The following NELL1 variants were observed in gnomAD, a reference collection of about 807,000 sequenced individuals.
NELL1 encodes protein kinase C-binding protein NELL1.
A neutral mutation model predicts 107.4 loss-of-function variants in NELL1; 76 were observed. That is an observed-to-expected ratio of 0.71 (90% confidence interval 0.59 to 0.86). The LOEUF is 0.86. Among genes scored for constraint, NELL1 ranks in the 40% least tolerant of loss-of-function variants. NELL1 has a pLI of 0.00. For missense variants in NELL1, 1,024 were observed against 1,005.5 expected (o/e 1.02, Z -0.25); for synonymous variants, 353 against 341.2 (o/e 1.03, Z -0.38).
chr11:21,091,609 C>T (rs1854523079), intron 12 of NELL1, among the ~76,000 whole-genome samples: 1 of 152,104 alleles, frequency 6.6e-6, no homozygotes, highest in Non-Finnish European at 1.5e-5. Flanking sequence ...TACGTCTTAT[C>T]CATTGCTGTG....
chr11:20,911,904 G>T (rs1463605533), intron 5 of NELL1, among the ~76,000 whole-genome samples: 1 of 152,092 alleles, frequency 6.6e-6, no homozygotes, highest in African/African-American at 2.4e-5. Context: ...ATTACCTCTT[G>T]ATCAATTCAA....
At chr11:20,756,542 T>C (rs370307260) in intron 2 of NELL1, among the ~76,000 whole-genome samples, 7 of 140,636 alleles carry the variant, frequency 5.0e-5, no homozygotes, top group African/African-American at 1.1e-4. Flanking sequence ...TTTTTTTTTT[T>C]AGTAGAGACA....
At chr11:20,685,490 C>G (rs1733524985) in intron 2 of NELL1, among the ~76,000 whole-genome samples, 1 of 152,002 alleles carries the variant, frequency 6.6e-6, no homozygotes, top group South Asian at 2.1e-4. Context: ...AGGCAGACTT[C>G]AAAAATCCTG....
intron 3 of NELL1, among the ~76,000 whole-genome samples, chr11:20,786,799 G>T (rs1464126662): frequency 6.6e-6 from 1 of 151,880 alleles, no homozygotes; most frequent in Admixed American, 6.6e-5. Context: ...ACAAGGTCAG[G>T]AGATCGAGAC....
intron 4 of NELL1, among the ~76,000 whole-genome samples, chr11:20,861,437 G>A (rs558276124): frequency 6.6e-6 from 1 of 152,302 alleles, no homozygotes; most frequent in African/African-American, 2.4e-5. Flanking sequence ...GTGTGGAGCA[G>A]TACTCACCTG....
At chr11:20,695,721 T>C (rs1478445274) in intron 2 of NELL1, among the ~76,000 whole-genome samples, 1 of 152,092 alleles carries the variant, frequency 6.6e-6, no homozygotes, top group Non-Finnish European at 1.5e-5. Flanking sequence ...AGGGTAGGGA[T>C]GTTGGCTTAT....
At chr11:20,718,147 T>C (rs1211647774) in intron 2 of NELL1, among the ~76,000 whole-genome samples, 1 of 152,164 alleles carries the variant, frequency 6.6e-6, no homozygotes, top group African/African-American at 2.4e-5. Context: ...AAAAATGAAA[T>C]TGGTTATTCC....
At chr11:21,487,593 A>G (rs1854669295) in intron 15 of NELL1, among the ~76,000 whole-genome samples, 1 of 148,958 alleles carries the variant, frequency 6.7e-6, no homozygotes, top group Non-Finnish European at 1.5e-5. Flanking sequence ...CCAAATCACA[A>G]TGACAAATAA....
At position 21,055,417 on chromosome 11, in the gene NELL1, C is replaced by A. The variant is rs182400203; in HGVS notation, c.1301-58172C>A. 1.2e-4 allele frequency among the ~76,000 whole-genome samples: 19 copies of A among 152,128 alleles called. No individual in the cohort carries two copies. In the East Asian group the frequency reaches 3.7e-3, roughly 29 times the overall value. On this transcript the variant is annotated intron_variant, in intron 12 of 19. Transcript: ENST00000357134. The stretch of plus-strand genomic sequence containing the variant: ...AGATTTATAAATAGTTTTGAGAGTG[C>A]TAACGCTTTTATGTGAACACAGTAT...
intron 14 of NELL1, among the ~76,000 whole-genome samples, chr11:21,338,833 C>T (rs1293981888): frequency 6.6e-6 from 1 of 152,108 alleles, no homozygotes; most frequent in African/African-American, 2.4e-5. Context: ...TCAAGAGGAG[C>T]AGAGATTGGT....
intron 13 of NELL1, among the ~76,000 whole-genome samples, chr11:21,157,707 C>T (rs1320376562): frequency 1.3e-5 from 2 of 152,132 alleles, no homozygotes; most frequent in African/African-American, 4.8e-5. Flanking sequence ...AACATAAACT[C>T]TGGAGTCAGG....
intron 15 of NELL1, among the ~76,000 whole-genome samples, chr11:21,439,809 G>T (rs1480091596): frequency 2.0e-5 from 3 of 151,908 alleles, no homozygotes; most frequent in African/African-American, 7.3e-5. Flanking sequence ...TCTTCCTTCT[G>T]GAATTTACCT....
Position 20,804,106 on chromosome 11 carries a change from C to T in NELL1, c.335+20276C>T, listed in dbSNP as rs550644425. 3.9e-4 allele frequency among the ~76,000 whole-genome samples: 59 copies of T among 151,914 alleles called. 1 individual carries two copies. The South Asian group carries it at 0.012, about 31-fold the overall frequency. On this transcript the variant is annotated intron_variant, in intron 3 of 19. Transcript: ENST00000357134. ...CATTAGTTCTGCCCCTCTAGAGAACCCTTACTAATACATTGGTGCTTATAG... is the reference window on the plus strand; with the variant it reads ...CATTAGTTCTGCCCCTCTAGAGAACTCTTACTAATACATTGGTGCTTATAG...
chr11:21,037,925 G>T lies in NELL1; in HGVS notation c.1301-75664G>T, dbSNP rs191974410. Among the ~76,000 whole-genome samples the T allele has an allele frequency of 3.3e-3, 497 of 152,250 alleles. 2 individuals carry two copies. The highest frequency in any genetic ancestry group is 0.014 in the Middle Eastern group (4 of 294). On this transcript the variant is annotated intron_variant, in intron 12 of 19. Transcript: ENST00000357134. ...TTTTTGACTGATTAATTTCTTTATTGTGGACAGGTATTGGTAGATTTTCTT... is the reference window on the plus strand; with the variant it reads ...TTTTTGACTGATTAATTTCTTTATTTTGGACAGGTATTGGTAGATTTTCTT...
chr11:21,223,660 G>C (rs1040136523), intron 13 of NELL1, among the ~76,000 whole-genome samples: 5 of 151,956 alleles, frequency 3.3e-5, no homozygotes. Context: ...TTCTCTTATT[G>C]TTTATTTTTG....
intron 3 of NELL1, among the ~76,000 whole-genome samples, chr11:20,845,268 A>AC (rs1848683686): frequency 6.6e-6 from 1 of 152,156 alleles, no homozygotes; most frequent in South Asian, 2.1e-4. Context: ...ATTTGTGATT[A>AC]CCCCAATGTA....
chr11:21,163,791 T>G (rs1856423493), intron 13 of NELL1, among the ~76,000 whole-genome samples: 1 of 152,082 alleles, frequency 6.6e-6, no homozygotes. Context: ...GGCATTAATT[T>G]CATCATGAAA....
At chr11:20,743,161 T>A (rs1177636734) in intron 2 of NELL1, among the ~76,000 whole-genome samples, 1 of 152,108 alleles carries the variant, frequency 6.6e-6, no homozygotes, top group Non-Finnish European at 1.5e-5. Flanking sequence ...GAGATCAGCC[T>A]GGCCAACATG....
chr11:20,755,865 G>GTTTT lies in NELL1; in HGVS notation c.185-27775_185-27772dup, dbSNP rs574606148. Among the ~76,000 whole-genome samples the GTTTT allele has an allele frequency of 2.8e-3, 346 of 122,024 alleles. 11 individuals are homozygous for GTTTT. Among genetic ancestry groups the GTTTT allele is most frequent in the Non-Finnish European group, 4.1e-3 (242 of 59,412 alleles). The allele number at this position is 122,024 out of a possible 152,430, so 80.1% of individuals were successfully genotyped here. A position where few individuals can be genotyped will look rare whatever the true frequency, so the allele number is the denominator to read the frequency against. ...GCCACCACGCCCAGCCAGACCTGCG[G>GTTTT]TTTTTTTTTTTTTTTTTTTTTTTTT... On this transcript the variant is annotated intron_variant, in intron 2 of 19. Coordinates refer to ENST00000357134, the MANE Select transcript of NELL1 (RefSeq NM_006157.5).
Sources: gnomAD v4.1 joint callset for allele counts (sites outside exome capture counted in the v4.1 genomes callset) on GRCh38, gnomAD v4.1.1 for gene constraint, MANE v1.5 for transcripts, NCBI Gene and HGNC (gene_info 2026-07-23, HGNC 2026-07-21) for gene names.